Variants in MTOR observed in about 807,000 individuals in gnomAD.
The protein encoded by MTOR is serine/threonine-protein kinase mTOR.
A neutral mutation model predicts 319.8 loss-of-function variants in MTOR; 70 were observed. The ratio of observed to expected loss-of-function variants is 0.22; its 90% confidence interval spans 0.18 to 0.27. The LOEUF is 0.27. MTOR is among the 10% of genes least tolerant of loss of function. The probability of loss-of-function intolerance (pLI) is 1.00; values close to 1 mark genes in which losing one functional copy is unlikely to be tolerated. For synonymous variants in MTOR, 1,183 were observed against 1,211.4 expected (o/e 0.98, Z 0.49); for missense variants, 1,890 against 3,274.4 (o/e 0.58, Z 10.32).
intron 29 of MTOR, among the ~76,000 whole-genome samples, chr1:11,162,992 A>G (rs939939301): frequency 1.3e-5 from 2 of 152,244 alleles, no homozygotes; most frequent in Non-Finnish European, 2.9e-5. Flanking sequence ...AGACTGGCAA[A>G]TTGGATAAAG....
At chr1:11,204,132 T>C (rs553194122) in intron 26 of MTOR, among the ~76,000 whole-genome samples, 19 of 152,338 alleles carry the variant, frequency 1.2e-4, no homozygotes, top group Non-Finnish European at 2.4e-4. Flanking sequence ...TGACACCATG[T>C]GGAGCAGAGG....
At chr1:11,171,651 C>T (rs929008511) in intron 28 of MTOR, among the ~76,000 whole-genome samples, 3 of 152,074 alleles carry the variant, frequency 2.0e-5, no homozygotes, top group Non-Finnish European at 1.5e-5. Context: ...TACCTTAATA[C>T]AGCTACAGCC....
chr1:11,176,195 A>G (rs548182955), intron 28 of MTOR, among the ~76,000 whole-genome samples: 5 of 152,326 alleles, frequency 3.3e-5, no homozygotes, highest in African/African-American at 1.2e-4. Flanking sequence ...TGTCTCTGGA[A>G]GTGCCCTCAG....
chr1:11,186,153 C>G (rs1298198623), intron 28 of MTOR, among the ~76,000 whole-genome samples: 1 of 147,052 alleles, frequency 6.8e-6, no homozygotes, highest in Non-Finnish European at 1.5e-5. Flanking sequence ...GTGGTTTTTT[C>G]AAAGACTTCA....
intron 28 of MTOR, among the ~76,000 whole-genome samples, chr1:11,192,910 C>T (rs1291047367): frequency 6.6e-6 from 1 of 152,156 alleles, no homozygotes; most frequent in Non-Finnish European, 1.5e-5. Flanking sequence ...TAACATAGAT[C>T]AGATCATTCT....
chr1:11,165,052 TC>T (rs1644598736), intron 29 of MTOR, among the ~76,000 whole-genome samples: 1 of 152,162 alleles, frequency 6.6e-6, no homozygotes, highest in African/African-American at 2.4e-5. Context: ...CAACAGCGCT[TC>T]ATGCTAAAAA....
At chr1:11,130,491 C>A in intron 39 of MTOR, 38 bp downstream of exon 39, 2 of 1,596,786 alleles carry the variant, frequency 1.3e-6, no homozygotes, top group Non-Finnish European at 1.7e-6. Context: ...GAGCCTGGCA[C>A]CTTGGTTGGT....
chr1:11,219,580 A>G (rs897003915), intron 19 of MTOR, among the ~76,000 whole-genome samples: 1 of 152,218 alleles, frequency 6.6e-6, no homozygotes, highest in Non-Finnish European at 1.5e-5. Flanking sequence ...TGAATATGCT[A>G]TATGATTCGA....
chr1:11,226,432 C>T (rs1327854470), intron 19 of MTOR: 1 of 152,104 alleles, frequency 6.6e-6, no homozygotes, highest in Non-Finnish European at 1.5e-5. Flanking sequence ...ATGGTGAAAT[C>T]TTAACAGCAG....
rs57723179 is a variant in MTOR at position 11,244,621 on chromosome 1, ACT to A, written c.1226-1323_1226-1322del. Reference sequence around the variant, plus strand: ...ACTCCAGCCTGGGCAACAGAGCAAGACTCTGTCTCAGAAAAACAAACAAACAA... The same window carrying A: ...ACTCCAGCCTGGGCAACAGAGCAAGACTGTCTCAGAAAAACAAACAAACAA... On this transcript the variant is annotated intron_variant, in intron 8 of 57. Coordinates refer to ENST00000361445, the MANE Select transcript of MTOR (RefSeq NM_004958.4). Among the ~76,000 whole-genome samples, 1,216 of 152,322 alleles carry A rather than the reference ACT, an allele frequency of 8.0e-3. 20 individuals are homozygous for A. The highest frequency in any genetic ancestry group is 0.027 in the African/African-American group (1,125 of 41,554).
chr1:11,218,116 T>C (rs1028563069), intron 19 of MTOR, among the ~76,000 whole-genome samples: 5 of 152,122 alleles, frequency 3.3e-5, no homozygotes, highest in African/African-American at 1.2e-4. Context: ...CATACAAATA[T>C]GTATAGTGGT....
intron 28 of MTOR, among the ~76,000 whole-genome samples, chr1:11,174,372 T>C (rs1644919893): frequency 6.6e-6 from 1 of 152,250 alleles, no homozygotes; most frequent in African/African-American, 2.4e-5. Context: ...CATTTTAACT[T>C]CCTCACTAAC....
At chr1:11,172,030 CAAAAAA>C (rs1314310546) in intron 28 of MTOR, among the ~76,000 whole-genome samples, 1 of 84,734 alleles carries the variant, frequency 1.2e-5, no homozygotes, top group Non-Finnish European at 2.5e-5. Flanking sequence ...AACTCCATCT[CAAAAAA>C]AAAAAAAAAA....
At position 11,127,611 on chromosome 1, in the gene MTOR, T is replaced by A. The variant is rs2100406412; in HGVS notation, c.6216+13A>T. ...CTACAGGGTTATGTCCTTTCGTGTT[T>A]TTTACCCCATACCTGATTAAAGGAT... On this transcript the variant is annotated intron_variant, in intron 44 of 57. Coordinates refer to ENST00000361445, the MANE Select transcript of MTOR (RefSeq NM_004958.4). This position sits in a 1 kb window ranked among gnomAD's most constrained non-coding sequence, Gnocchi z 5.5. 6.3e-7 allele frequency: 1 copy of A among 1,592,976 alleles called. No individual in the cohort carries two copies. The highest frequency in any genetic ancestry group is 8.5e-7 in the Non-Finnish European group (1 of 1,171,696).
At chr1:11,134,860 G>A (rs922392014) in intron 36 of MTOR, among the ~76,000 whole-genome samples, 3 of 152,154 alleles carry the variant, frequency 2.0e-5, no homozygotes, top group Non-Finnish European at 4.4e-5. Flanking sequence ...TAAAACTTTG[G>A]TATTTGTTTA....
chr1:11,200,939 TG>T (rs1257322833), intron 26 of MTOR, among the ~76,000 whole-genome samples: 5 of 150,626 alleles, frequency 3.3e-5, no homozygotes, highest in Non-Finnish European at 7.4e-5. Context: ...GGCTTGAACC[TG>T]GGAGGCAGAG....
intron 29 of MTOR, among the ~76,000 whole-genome samples, chr1:11,164,729 C>T (rs1029263128): frequency 6.6e-6 from 1 of 152,168 alleles, no homozygotes; most frequent in African/African-American, 2.4e-5. Context: ...AAAAGAGGGA[C>T]TCTTCCCTAA....
intron 49 of MTOR, 80 bp from the exon 50 acceptor site, chr1:11,117,166 G>A: frequency 8.3e-7 from 1 of 1,210,222 alleles, no homozygotes; most frequent in Non-Finnish European, 1.2e-6. Flanking sequence ...AGCTGTCTTT[G>A]GTTTGTACTT....
At position 11,167,544 on chromosome 1, in the gene MTOR, T is replaced by TA; in HGVS notation, c.4254-28dup. On this transcript the variant is annotated intron_variant, in intron 28 of 57. Coordinates refer to ENST00000361445, the MANE Select transcript of MTOR (RefSeq NM_004958.4). ...TGAGAAAACAAAGGGAAAAGGTAGT[T>TA]ACACTCAACAGGTCTGAGGGTAGGA... 3 of 1,591,834 alleles carry TA rather than the reference T, an allele frequency of 1.9e-6. No homozygotes were observed. In the South Asian group the frequency reaches 3.3e-5, roughly 18 times the overall value.
Sources: allele counts gnomAD v4.1 joint callset (sites outside exome capture counted in the v4.1 genomes callset), GRCh38; gene constraint gnomAD v4.1.1; non-coding constraint Gnocchi (gnomAD v3.1); transcripts MANE v1.5; gene names NCBI Gene and HGNC (gene_info 2026-07-23, HGNC 2026-07-21).